The following ASTN1 variants were observed in gnomAD, a reference collection of about 807,000 sequenced individuals.
ASTN1 encodes the protein astrotactin-1.
A neutral mutation model predicts 140.7 loss-of-function variants in ASTN1; 41 were observed. The ratio of observed to expected loss-of-function variants is 0.29; its 90% CI spans 0.23 to 0.38. The LOEUF (loss-of-function observed/expected upper bound fraction) is 0.38. Among genes scored for constraint, ASTN1 ranks in the 10% least tolerant of loss-of-function variants. ASTN1 has a pLI of 1.00. For synonymous variants in ASTN1, 640 were observed against 652.2 expected (o/e 0.98, Z 0.29); for missense variants, 1,479 against 1,678.8 (o/e 0.88, Z 2.08).
chr1:176,993,924 AT>A (rs1467262904), intron 8 of ASTN1, among the ~76,000 whole-genome samples: 2 of 151,994 alleles, frequency 1.3e-5, no homozygotes, highest in African/African-American at 2.4e-5. Flanking sequence ...TCAAATGTGA[AT>A]TTTTCATTAT....
Position 176,958,486 on chromosome 1 carries a change from C to A in ASTN1, c.1599-4G>T, listed in dbSNP as rs1672515043. 1 of 1,606,400 alleles carries A rather than the reference C, an allele frequency of 6.2e-7. No homozygotes were observed. Among genetic ancestry groups the A allele is most frequent in the East Asian group, 2.2e-5 (1 of 44,526 alleles). The stretch of plus-strand genomic sequence containing the variant: ...CTCCCCAAGAGTGTAGGTGAATCTG[C>A]AGGGACACCCAGTGCCAGGTGGTCA... On this transcript the variant is annotated splice_polypyrimidine_tract_variant and splice_region_variant and intron_variant, in intron 9 of 22. Transcript: ENST00000361833.
chr1:176,860,124 T>C (rs1173925256), downstream of ASTN1, among the ~76,000 whole-genome samples: 1 of 152,092 alleles, frequency 6.6e-6, no homozygotes, highest in Non-Finnish European at 1.5e-5. Context: ...GAGCAAGAGT[T>C]CCAGAGAAGC....
intron 8 of ASTN1, among the ~76,000 whole-genome samples, chr1:176,987,148 G>C (rs1558011895): frequency 6.6e-6 from 1 of 152,110 alleles, no homozygotes; most frequent in Non-Finnish European, 1.5e-5. Context: ...AACCCCAAAT[G>C]TCCATAGTGC....
intron 1 of ASTN1, among the ~76,000 whole-genome samples, chr1:177,121,119 T>C (rs1558110382): frequency 6.6e-6 from 1 of 152,022 alleles, no homozygotes; most frequent in Non-Finnish European, 1.5e-5. Context: ...GTAAAGTCCA[T>C]GTGAGTTCTA....
intron 1 of ASTN1, among the ~76,000 whole-genome samples, chr1:177,138,467 G>A (rs1191285666): frequency 6.6e-6 from 1 of 152,166 alleles, no homozygotes; most frequent in Non-Finnish European, 1.5e-5. Context: ...AGGAATCTCT[G>A]GTTGCCGAGG....
In ASTN1 at chr1:176,932,485, TA is replaced by T. The variant is rs796379799; in HGVS notation, c.2671+1666del. 2.4e-4 allele frequency among the ~76,000 whole-genome samples: 36 copies of T among 152,312 alleles called. 1 individual carries two copies. The highest frequency in any genetic ancestry group is 8.4e-4 in the African/African-American group (35 of 41,572). ...GAACCAGACTAAAGAGGAGAACACA[TA>T]AACCCTATAACTTAGAGGTAAGTTT... On this transcript the variant is annotated intron_variant, in intron 16 of 22. Coordinates refer to ENST00000361833, the MANE Select transcript of ASTN1 (RefSeq NM_004319.3).
intron 8 of ASTN1, among the ~76,000 whole-genome samples, chr1:176,985,706 A>C (rs943358210): frequency 2.0e-5 from 3 of 152,076 alleles, no homozygotes; most frequent in Non-Finnish European, 4.4e-5. Flanking sequence ...CTCTACCTGG[A>C]CAGGCATTGA....
At chr1:177,114,420 C>CACATATAT (rs1680976410) in intron 1 of ASTN1, among the ~76,000 whole-genome samples, 2 of 150,018 alleles carry the variant, frequency 1.3e-5, no homozygotes, top group Non-Finnish European at 3.0e-5. Flanking sequence ...GAATGGTGCA[C>CACATATAT]ATATATATAT....
intron 1 of ASTN1, among the ~76,000 whole-genome samples, chr1:177,108,153 T>A (rs1474652774): frequency 6.6e-6 from 1 of 151,868 alleles, no homozygotes; most frequent in South Asian, 2.1e-4. Context: ...ATGGAGACCA[T>A]CCTGGCCAAC....
intron 1 of ASTN1, among the ~76,000 whole-genome samples, chr1:177,100,060 G>A (rs1680224870): frequency 6.6e-6 from 1 of 152,100 alleles, no homozygotes; most frequent in Non-Finnish European, 1.5e-5. Context: ...GCTAGTAAAT[G>A]GCAGATAGGA....
chr1:176,940,921 A>G (rs1408790020), intron 14 of ASTN1, among the ~76,000 whole-genome samples: 17 of 152,188 alleles, frequency 1.1e-4, no homozygotes, highest in Admixed American at 1.1e-3. Context: ...AACTTCTCTA[A>G]TGTCGAGGTG....
chr1:177,037,841 T>C (rs1676796551), intron 2 of ASTN1, among the ~76,000 whole-genome samples: 3 of 152,308 alleles, frequency 2.0e-5, no homozygotes, highest in Admixed American at 2.0e-4. Flanking sequence ...AAATGTGGCA[T>C]TTTAAAATAC....
intron 2 of ASTN1, among the ~76,000 whole-genome samples, chr1:177,034,387 T>C (rs757129882): frequency 5.9e-5 from 9 of 152,152 alleles, no homozygotes; most frequent in Non-Finnish European, 1.2e-4. Context: ...GACAGATGTA[T>C]GCTGACCTCC....
chr1:176,865,965 A>ATGAT (rs1391959520), intron 22 of ASTN1, among the ~76,000 whole-genome samples: 15 of 152,190 alleles, frequency 9.9e-5, no homozygotes, highest in Non-Finnish European at 5.9e-5. Context: ...ACCTGCCCCC[A>ATGAT]TGATTCAATT....
chr1:177,113,957 G>C (rs1281770661), intron 1 of ASTN1, among the ~76,000 whole-genome samples: 5 of 152,218 alleles, frequency 3.3e-5, no homozygotes, highest in African/African-American at 1.2e-4. Flanking sequence ...AAGTGTAGTA[G>C]TTAGATAAAC....
intron 2 of ASTN1, among the ~76,000 whole-genome samples, chr1:177,048,707 C>T (rs1677376607): frequency 6.6e-6 from 1 of 152,152 alleles, no homozygotes; most frequent in African/African-American, 2.4e-5. Flanking sequence ...TGTGGGGGAG[C>T]CACTCCATCC....
chr1:177,048,747 C>T (rs1277400512), intron 2 of ASTN1, among the ~76,000 whole-genome samples: 1 of 152,204 alleles, frequency 6.6e-6, no homozygotes, highest in Non-Finnish European at 1.5e-5. Context: ...TCCTAGAGTA[C>T]TTCATGCTAG....
chr1:177,099,970 C>A (rs977013030), intron 1 of ASTN1, among the ~76,000 whole-genome samples: 1 of 152,158 alleles, frequency 6.6e-6, no homozygotes, highest in Non-Finnish European at 1.5e-5. Context: ...GGCTCTTACA[C>A]GTCAGGGAAC....
At chr1:177,000,494 C>T (rs1156326960) in intron 8 of ASTN1, among the ~76,000 whole-genome samples, 1 of 152,180 alleles carries the variant, frequency 6.6e-6, no homozygotes, top group Non-Finnish European at 1.5e-5. Context: ...CCAGCAGAGA[C>T]ATCATCCTAT....
Sources: gnomAD v4.1 joint callset for allele counts (sites outside exome capture counted in the v4.1 genomes callset) on GRCh38, gnomAD v4.1.1 for gene constraint, MANE v1.5 for transcripts, NCBI Gene and HGNC (gene_info 2026-07-23, HGNC 2026-07-21) for gene names.